The following PIK3C3 variants were observed in gnomAD, a reference collection of about 807,000 sequenced individuals.
The protein encoded by PIK3C3 is phosphatidylinositol 3-kinase catalytic subunit type 3, also known as PI3-kinase type 3.
A neutral mutation model predicts 126.1 loss-of-function variants in PIK3C3; 95 were observed. That is an observed-to-expected ratio of 0.75 (90% confidence interval 0.64 to 0.89). PIK3C3 has a LOEUF of 0.89. Among genes scored for constraint, PIK3C3 ranks in the 40% least tolerant of loss-of-function variants. The pLI, the probability that PIK3C3 is intolerant of heterozygous loss-of-function variation, is 0.00. For synonymous variants in PIK3C3, 374 were observed against 360.0 expected (o/e 1.04, Z -0.44); for missense variants, 829 against 1,063.2 (o/e 0.78, Z 3.06).
chr18:41,988,369 T>C (rs1237994658), intron 5 of PIK3C3, among the ~76,000 whole-genome samples: 1 of 152,172 alleles, frequency 6.6e-6, no homozygotes, highest in African/African-American at 2.4e-5. Flanking sequence ...ATTTTTTTCT[T>C]GACCTTGTAT....
intron 24 of PIK3C3, among the ~76,000 whole-genome samples, chr18:42,080,469 G>T (rs1171947026): frequency 1.3e-5 from 2 of 149,980 alleles, no homozygotes; most frequent in East Asian, 4.0e-4. Context: ...CATGTAAGCA[G>T]CATTCATAAT....
intron 23 of PIK3C3, 25 bp downstream of exon 23, chr18:42,064,855 A>G (rs766445726): frequency 2.5e-6 from 3 of 1,198,182 alleles, no homozygotes; most frequent in East Asian, 2.3e-5. Context: ...ACATAAATGA[A>G]GAGCTCTTCT....
At chr18:42,076,442 G>A (rs907353744) in intron 24 of PIK3C3, among the ~76,000 whole-genome samples, 6 of 151,752 alleles carry the variant, frequency 4.0e-5, no homozygotes, top group African/African-American at 1.2e-4. Context: ...TAAAGGAGTC[G>A]CCAGGAGCTG....
chr18:42,084,805 A>C lies in PIK3C3; in HGVS notation c.*3668A>C, dbSNP rs958615127. ...TTAAATGTGCACATTCCCAATCCCC[A>C]CTCCTGAGCAGCCAAATCAATCTGC... On this transcript the variant is annotated 3_prime_UTR_variant, in exon 25 of 25. Coordinates refer to ENST00000262039, the MANE Select transcript of PIK3C3 (RefSeq NM_002647.4). 11 of 151,866 alleles carry C rather than the reference A, an allele frequency of 7.2e-5. No individual in the cohort carries two copies. The highest frequency in any genetic ancestry group is 2.7e-4 in the African/African-American group (11 of 41,346). 9.4% of individuals were successfully genotyped at this position (151,866 alleles called of 1,614,324 possible).
intron 9 of PIK3C3, among the ~76,000 whole-genome samples, chr18:42,000,218 A>G (rs778676447): frequency 3.4e-4 from 51 of 151,996 alleles, no homozygotes; most frequent in Non-Finnish European, 6.5e-4. Flanking sequence ...CACGCCGGCT[A>G]ATTTTGTCTT....
intron 4 of PIK3C3, among the ~76,000 whole-genome samples, chr18:41,976,770 CTTT>C (rs1344294900): frequency 6.6e-6 from 1 of 152,092 alleles, no homozygotes; most frequent in Non-Finnish European, 1.5e-5. Flanking sequence ...TTTTTACTTG[CTTT>C]TATTTGAGTC....
At chr18:42,017,723 G>A (rs770110722) in intron 12 of PIK3C3, among the ~76,000 whole-genome samples, 2 of 151,924 alleles carry the variant, frequency 1.3e-5, no homozygotes, top group African/African-American at 4.8e-5. Flanking sequence ...TGTTAATAGA[G>A]CTTTGTCTTG....
chr18:41,995,343 A>G (rs1453564025), intron 7 of PIK3C3, among the ~76,000 whole-genome samples: 1 of 152,182 alleles, frequency 6.6e-6, no homozygotes, highest in Non-Finnish European at 1.5e-5. Flanking sequence ...GCAATAAAAA[A>G]TAAATAATAT....
At chr18:42,071,842 ATGTT>A (rs1985787858) in intron 24 of PIK3C3, among the ~76,000 whole-genome samples, 1 of 152,170 alleles carries the variant, frequency 6.6e-6, no homozygotes. Context: ...GAACTTAAAA[ATGTT>A]TGTGATATTT....
At position 41,961,250 on chromosome 18, in the gene PIK3C3, C is replaced by T. The variant is rs369174909; in HGVS notation, c.258-1239C>T. On this transcript the variant is annotated intron_variant, in intron 2 of 24. Transcript: ENST00000262039. The stretch of plus-strand genomic sequence containing the variant: ...TCCAAAACATTATTTTGGATGTTAT[C>T]GCTTATTGTTGTCTTCAACTTTAGC... Among the ~76,000 whole-genome samples, 5 of 152,178 alleles carry T rather than the reference C, an allele frequency of 3.3e-5. No homozygotes were observed. The East Asian group carries it at 5.8e-4, about 18-fold the overall frequency.
intron 22 of PIK3C3, among the ~76,000 whole-genome samples, chr18:42,061,232 G>A (rs1416071136): frequency 2.0e-5 from 3 of 152,018 alleles, no homozygotes; most frequent in Admixed American, 1.3e-4. Flanking sequence ...GATTTTGCAC[G>A]CTTTCCCACC....
At chr18:42,057,269 C>T (rs1985111251) in intron 21 of PIK3C3, among the ~76,000 whole-genome samples, 1 of 114,088 alleles carries the variant, frequency 8.8e-6, no homozygotes. Flanking sequence ...CAGATTTATA[C>T]TATACATTAC....
intron 21 of PIK3C3, chr18:42,050,384 GACTT>G (rs1984748899): frequency 6.6e-6 from 1 of 152,136 alleles, no homozygotes; most frequent in African/African-American, 2.4e-5. Context: ...ACAGCTTCCA[GACTT>G]ACAGCTTTTT....
chr18:42,044,128 G>A (rs967326614), intron 20 of PIK3C3, among the ~76,000 whole-genome samples: 4 of 152,092 alleles, frequency 2.6e-5, no homozygotes, highest in Admixed American at 2.6e-4. Context: ...CAGAAACTAA[G>A]TAGACCATGG....
At chr18:41,957,548 A>G (rs73454598) in intron 1 of PIK3C3, 22 bp from the exon 2 acceptor site, 59,256 of 1,598,352 alleles carry the variant, frequency 0.037, 3,828 homozygotes, top group East Asian at 0.28. Context: ...TGTCTGAAAC[A>G]TTGTTGGTCT....
intron 4 of PIK3C3, 22 bp from the exon 5 acceptor site, chr18:41,987,790 C>T (rs975305884): frequency 5.1e-6 from 8 of 1,556,450 alleles, no homozygotes; most frequent in African/African-American, 2.7e-5. Context: ...TTAAAATTTT[C>T]GTCATTGTAT....
chr18:42,071,856 T>C (rs1225540905), intron 24 of PIK3C3, among the ~76,000 whole-genome samples: 1 of 152,222 alleles, frequency 6.6e-6, no homozygotes, highest in African/African-American at 2.4e-5. Flanking sequence ...TTGTGATATT[T>C]CTTAGATTTC....
intron 7 of PIK3C3, among the ~76,000 whole-genome samples, 154 bp from the exon 8 acceptor site, chr18:41,995,736 T>C (rs895458780): frequency 1.6e-4 from 25 of 152,294 alleles, no homozygotes; most frequent in African/African-American, 6.0e-4. Context: ...GAAGGATACA[T>C]ATTTTTAAGA....
chr18:42,072,587 A>C (rs1056546799), intron 24 of PIK3C3, among the ~76,000 whole-genome samples: 1 of 152,196 alleles, frequency 6.6e-6, no homozygotes, highest in African/African-American at 2.4e-5. Flanking sequence ...ACTGGAGTGC[A>C]GTGGTACAAT....
Sources: allele counts gnomAD v4.1 joint callset (sites outside exome capture counted in the v4.1 genomes callset), GRCh38; gene constraint gnomAD v4.1.1; transcripts MANE v1.5; gene names NCBI Gene and HGNC (gene_info 2026-07-23, HGNC 2026-07-21).